The following CCDC93 variants were observed in gnomAD, a reference collection of about 807,000 sequenced individuals.
CCDC93 encodes the protein CCC complex scaffolding subunit CCDC93.
In CCDC93, 61 loss-of-function variants were observed where a neutral mutation model predicts 108.2. The ratio of observed to expected loss-of-function variants is 0.56; its 90% confidence interval spans 0.46 to 0.70. CCDC93 has a LOEUF of 0.70. Ranked by LOEUF, CCDC93 falls within the 30% of genes least tolerant of loss-of-function variation. The pLI, the probability that CCDC93 is intolerant of heterozygous loss-of-function variation, is 0.00. For missense variants in CCDC93, 685 were observed against 764.2 expected, an observed-to-expected ratio of 0.90 and a Z score of 1.22; for synonymous variants, 276 against 260.4, an observed-to-expected ratio of 1.06 and a Z score of -0.58.
Position 117,944,752 on chromosome 2 carries a change from G to A in CCDC93, c.1351-666C>T, listed in dbSNP as rs890814123. The A allele has an allele frequency of 6.4e-6, 3 of 471,132 alleles. No homozygotes were observed. The East Asian group carries it at 2.1e-4, about 33-fold the overall frequency. 29.2% of individuals were successfully genotyped at this position (471,132 alleles called of 1,614,324 possible). Reference sequence around the variant, plus strand: ...ACGCACCCAAGGGGCTCAGCTGCAGGCAAAATCCAACAGACTTCACTGGAA... The same window carrying A: ...ACGCACCCAAGGGGCTCAGCTGCAGACAAAATCCAACAGACTTCACTGGAA... On this transcript the variant is annotated intron_variant, in intron 17 of 23. Transcript: ENST00000376300.
chr2:117,953,033 A>C (rs1442612178), intron 12 of CCDC93, among the ~76,000 whole-genome samples: 1 of 152,232 alleles, frequency 6.6e-6, no homozygotes, highest in African/African-American at 2.4e-5. Flanking sequence ...TCTCTTGCTA[A>C]AACAGTATAT....
Position 117,973,948 on chromosome 2 carries a change from G to T in CCDC93, c.848C>A (p.Ser283Tyr), listed in dbSNP as rs764669710. 1 of 1,612,428 alleles carries T rather than the reference G, an allele frequency of 6.2e-7. No individual in the cohort carries two copies. Among genetic ancestry groups the T allele is most frequent in the Non-Finnish European group, 8.5e-7 (1 of 1,179,314 alleles). ...GGACACAATCTGCTTGATCTCAGCAGAGCAGAGTCCCACAATCTGGCCCAC... is the reference window on the plus strand; with the variant it reads ...GGACACAATCTGCTTGATCTCAGCATAGCAGAGTCCCACAATCTGGCCCAC... ...SSVGQIVGLC[S>Y]AEIKQIVSEY... is the part of the protein sequence containing the mutation. Residue 283 changes from serine (S) to tyrosine (Y), a missense_variant, in exon 11 of 24, where the codon TCT becomes TAT. Coordinates refer to ENST00000376300, the MANE Select transcript of CCDC93 (RefSeq NM_019044.5).
intron 23 of CCDC93, among the ~76,000 whole-genome samples, chr2:117,926,571 A>C (rs1163128389): frequency 6.6e-6 from 1 of 152,234 alleles, no homozygotes; most frequent in Non-Finnish European, 1.5e-5. Context: ...TAAACGAGGA[A>C]GAAGTTGAAT....
At chr2:117,995,373 C>T (rs1680611417) in intron 6 of CCDC93, 73 bp downstream of exon 6, 16 of 1,178,820 alleles carry the variant, frequency 1.4e-5, no homozygotes, top group Middle Eastern at 1.9e-4. Context: ...AGGAGCAGCG[C>T]TTTTGTGATT....
intron 3 of CCDC93, among the ~76,000 whole-genome samples, chr2:118,002,659 G>C (rs1453763191): frequency 6.6e-6 from 1 of 152,100 alleles, no homozygotes; most frequent in South Asian, 2.1e-4. Context: ...TCCTAGGAGG[G>C]AAGCATATAG....
rs1679843899 is a variant in CCDC93, at chr2:117,973,815, CG to C, written c.888+92del. On this transcript the variant is annotated intron_variant, in intron 11 of 23. Coordinates refer to ENST00000376300, the MANE Select transcript of CCDC93 (RefSeq NM_019044.5). ...GTGGCTGGTGAGTTACAAGAGAACA[CG>C]GGGCACTGCTGGGGTAGTGGGGTAA... is the stretch of plus-strand genomic sequence containing the variant. 2 of 923,692 alleles carry C rather than the reference CG, an allele frequency of 2.2e-6. 1 individual carries two copies. Among genetic ancestry groups the C allele is most frequent in the South Asian group, 2.8e-5 (2 of 70,930 alleles). The allele number at this position is 923,692 out of a possible 1,614,324, so 57.2% of individuals were successfully genotyped here. A position where few individuals can be genotyped will look rare whatever the true frequency, so the allele number is the denominator to read the frequency against.
intron 11 of CCDC93, among the ~76,000 whole-genome samples, chr2:117,960,095 G>C (rs1183085464): frequency 6.6e-6 from 1 of 152,118 alleles, no homozygotes; most frequent in Non-Finnish European, 1.5e-5. Context: ...CTTTTTTATA[G>C]TTAATTTTAG....
chr2:117,927,351 G>GA lies in CCDC93; in HGVS notation c.1842+3685dup, dbSNP rs567216026. 9.9e-4 allele frequency among the ~76,000 whole-genome samples: 150 copies of GA among 152,276 alleles called. 3 individuals carry two copies. The South Asian group carries it at 0.028, about 28-fold the overall frequency. ...AATTGTCCCTGTTTGGAGATGACAT[G>GA]ATTGTATATCTAGAAAACCCCACTG... On this transcript the variant is annotated intron_variant, in intron 23 of 23. Transcript: ENST00000376300.
intron 21 of CCDC93, among the ~76,000 whole-genome samples, chr2:117,936,315 C>CA (rs1024446104): frequency 8.6e-5 from 13 of 150,394 alleles, no homozygotes; most frequent in Admixed American, 4.0e-4. Context: ...ACACATTAAC[C>CA]AAAAAAAATC....
chr2:117,927,708 C>A (rs940011371), intron 23 of CCDC93, among the ~76,000 whole-genome samples: 4 of 152,112 alleles, frequency 2.6e-5, no homozygotes, highest in Non-Finnish European at 5.9e-5. Flanking sequence ...AGATTCAATG[C>A]CATCCCCATC....
chr2:117,983,630 T>TTTTA lies in CCDC93; in HGVS notation c.620+2338_620+2339insTAAA, dbSNP rs1262707425. On this transcript the variant is annotated intron_variant, in intron 7 of 23. Coordinates refer to ENST00000376300, the MANE Select transcript of CCDC93 (RefSeq NM_019044.5). Reference sequence around the variant, plus strand: ...TCTACATTGAACAAACTGCTCAAAATTATATATATATATATATATATATAT... The same window carrying TTTTA: ...TCTACATTGAACAAACTGCTCAAAATTTTATATATATATATATATATATATATAT... Among the ~76,000 whole-genome samples the TTTTA allele has an allele frequency of 8.5e-4, 84 of 98,590 alleles. 2 individuals carry two copies. The highest frequency in any genetic ancestry group is 2.7e-3 in the African/African-American group (83 of 30,978). The allele number at this position is 98,590 out of a possible 152,430, so 64.7% of individuals were successfully genotyped here.
chr2:117,930,776 A>C (rs1678299701), intron 23 of CCDC93: 3 of 302,754 alleles, frequency 9.9e-6, no homozygotes, highest in Non-Finnish European at 1.8e-5. Context: ...TCATTTTGTG[A>C]GTTAATGTGC....
Position 117,944,016 on chromosome 2 carries a change from T to C in CCDC93, c.1413+8A>G. 6.3e-7 allele frequency: 1 copy of C among 1,589,296 alleles called. No individual in the cohort carries two copies. Among genetic ancestry groups the C allele is most frequent in the African/African-American group, 1.4e-5 (1 of 74,068 alleles). ...ATTTATGCATATTTTTGTCCTTCTT[T>C]TACTCACCTGTAGTAAACGTATCTT... is the stretch of plus-strand genomic sequence containing the variant. On this transcript the variant is annotated splice_region_variant and intron_variant, in intron 18 of 23. Coordinates refer to ENST00000376300, the MANE Select transcript of CCDC93 (RefSeq NM_019044.5).
chr2:117,935,305 G>A (rs568760485), intron 22 of CCDC93, among the ~76,000 whole-genome samples, 190 bp downstream of exon 22: 6 of 152,284 alleles, frequency 3.9e-5, no homozygotes, highest in Admixed American at 6.5e-5. Context: ...ACCCCTGGGT[G>A]TAGGCAGCTC....
At chr2:117,987,810 CT>C (rs1680364085) in intron 6 of CCDC93, among the ~76,000 whole-genome samples, 1 of 152,200 alleles carries the variant, frequency 6.6e-6, no homozygotes, top group South Asian at 2.1e-4. Context: ...ATTTATCCTT[CT>C]GTCATTAATA....
intron 1 of CCDC93, among the ~76,000 whole-genome samples, chr2:118,013,640 G>A (rs1677080421): frequency 1.3e-5 from 2 of 152,192 alleles, no homozygotes; most frequent in Admixed American, 6.5e-5. Flanking sequence ...CGGACAGGGA[G>A]AAAGGTGGGA....
chr2:117,974,832 T>TC lies in CCDC93; in HGVS notation c.801+17dup. 1 of 1,562,658 alleles carries TC rather than the reference T, an allele frequency of 6.4e-7. No homozygotes were observed. The highest frequency in any genetic ancestry group is 8.7e-7 in the Non-Finnish European group (1 of 1,151,650). ...GGTGCCAAGTCCCCATCCCCACACC[T>TC]CCCCGACTCCCACTCACCTCCTCAT... On this transcript the variant is annotated intron_variant, in intron 10 of 23. Coordinates refer to ENST00000376300, the MANE Select transcript of CCDC93 (RefSeq NM_019044.5).
In CCDC93 at chr2:117,939,067, T is replaced by G. The variant is rs1678615132; in HGVS notation, c.1567A>C (p.Asn523His). 6.2e-7 allele frequency: 1 copy of G among 1,605,800 alleles called. No individual in the cohort carries two copies. Among genetic ancestry groups the G allele is most frequent in the Non-Finnish European group, 8.5e-7 (1 of 1,172,916 alleles). The change falls in exon 20 of 24, where the codon AAT becomes CAT. Residue 523 changes from asparagine (N) to histidine (H), a missense_variant. Physicochemically the swap from Asn to His is moderately conservative, Grantham distance 68. Transcript: ENST00000376300. ...TAAACCTTTTTATCATCCAGGGTAT[T>G]ATATAAAGTGAAGAACTGCTTGGTT... ...KETKQFFTLYNTLDDKKVYLE... is the reference protein window; with the variant it reads ...KETKQFFTLYHTLDDKKVYLE...
rs1305766838 is a variant in CCDC93 at position 117,931,165 on chromosome 2, T to G, written c.1729-15A>C. The G allele has an allele frequency of 6.3e-7, 1 of 1,589,574 alleles. No individual in the cohort carries two copies. Among genetic ancestry groups the G allele is most frequent in the Admixed American group, 1.7e-5 (1 of 59,850 alleles). On this transcript the variant is annotated splice_polypyrimidine_tract_variant and intron_variant, in intron 22 of 23. Coordinates refer to ENST00000376300, the MANE Select transcript of CCDC93 (RefSeq NM_019044.5). ...TTCTTTTCCATCTGTTGAAACATTG[T>G]GGGAAATGGTGATGAAAAGACATGT...
Sources: gnomAD v4.1 joint callset for allele counts (sites outside exome capture counted in the v4.1 genomes callset) on GRCh38, gnomAD v4.1.1 for gene constraint, MANE v1.5 for transcripts, NCBI Gene and HGNC (gene_info 2026-07-23, HGNC 2026-07-21) for gene names.